Variants in LRRN2 observed in about 807,000 individuals in gnomAD.
LRRN2 encodes leucine-rich repeat neuronal protein 2.
Under a neutral mutation model 35.7 loss-of-function variants are expected in LRRN2, and 10 were observed. The ratio of observed to expected loss-of-function variants is 0.28; its 90% confidence interval spans 0.17 to 0.47. The LOEUF is 0.47. Among genes scored for constraint, LRRN2 ranks in the 20% least tolerant of loss-of-function variants. LRRN2 has a pLI of 0.99. For missense variants in LRRN2, 731 were observed against 940.3 expected (o/e 0.78, Z 2.91); for synonymous variants, 391 against 409.6 (o/e 0.95, Z 0.55).
chr1:204,679,045 G>A (rs1668882835), intron 1 of LRRN2, among the ~76,000 whole-genome samples: 1 of 152,160 alleles, frequency 6.6e-6, no homozygotes, highest in Admixed American at 6.5e-5. Flanking sequence ...GATGGCTGAG[G>A]CCTGGTGGCG....
chr1:204,617,968 A>T lies in LRRN2; in HGVS notation c.2025T>A (p.Ser675Arg), dbSNP rs1185639723. Residue 675 changes from serine to arginine, a missense_variant, in exon 2 of 2, where the codon AGT (serine) becomes AGA (arginine). Physicochemically the swap from Ser to Arg is moderately radical, Grantham distance 110. Transcript: ENST00000367177. ...LPPAWAFWGW[S>R]APSVRVVSAP... ...CAGACACAACCCGGACAGAAGGGGC[A>T]CTCCAGCCCCAGAAAGCCCAGGCTG... 1 of 1,613,678 alleles carries T rather than the reference A, an allele frequency of 6.2e-7. No individual in the cohort carries two copies. Among genetic ancestry groups the T allele is most frequent in the African/African-American group, 1.3e-5 (1 of 74,988 alleles).
intron 1 of LRRN2, among the ~76,000 whole-genome samples, chr1:204,670,269 A>T (rs1165759399): frequency 6.6e-6 from 1 of 152,144 alleles, no homozygotes; most frequent in East Asian, 1.9e-4. Context: ...GGAAGAGCTG[A>T]CAGTGACTCC....
intron 1 of LRRN2, among the ~76,000 whole-genome samples, chr1:204,649,345 A>G (rs1165553023): frequency 6.6e-6 from 1 of 152,124 alleles, no homozygotes; most frequent in Non-Finnish European, 1.5e-5. Flanking sequence ...GATAGGTCTT[A>G]TTTATCTCTG....
intron 1 of LRRN2, among the ~76,000 whole-genome samples, chr1:204,669,833 G>A (rs1668669000): frequency 6.6e-6 from 1 of 152,276 alleles, no homozygotes; most frequent in South Asian, 2.1e-4. Flanking sequence ...TACCACAAGG[G>A]ACCATCCCAC....
Position 204,685,388 on chromosome 1 carries a change from G to T in LRRN2, c.-295C>A, listed in dbSNP as rs71633519. 1 of 151,488 alleles carries T rather than the reference G, an allele frequency of 6.6e-6. No individual in the cohort carries two copies. Among genetic ancestry groups the T allele is most frequent in the African/African-American group, 2.4e-5 (1 of 41,318 alleles). 9.4% of individuals were successfully genotyped at this position (151,488 alleles called of 1,614,324 possible). ...CCGCGCTCCGCTCGCCTTCCGCCCG[G>T]GGCCGGGCTGGGGACGCTGGTCCGC... On this transcript the variant is annotated 5_prime_UTR_variant, in exon 1 of 2. Coordinates refer to ENST00000367177, the MANE Select transcript of LRRN2 (RefSeq NM_201630.2).
chr1:204,629,377 G>T (rs1205138762), intron 1 of LRRN2: 1 of 152,412 alleles, frequency 6.6e-6, no homozygotes, highest in Non-Finnish European at 1.5e-5. Flanking sequence ...CACCCTCAAG[G>T]ATCCACATCC....
intron 1 of LRRN2, among the ~76,000 whole-genome samples, chr1:204,630,908 G>A (rs1169656968): frequency 6.6e-6 from 1 of 152,008 alleles, no homozygotes; most frequent in African/African-American, 2.4e-5. Context: ...TCCTGGCCTG[G>A]GGACAGACTT....
At chr1:204,666,962 C>CAAAAA (rs34503593) in intron 1 of LRRN2, among the ~76,000 whole-genome samples, 17 of 64,822 alleles carry the variant, frequency 2.6e-4, no homozygotes, top group East Asian at 1.0e-3. Flanking sequence ...ACTCTGTCTC[C>CAAAAA]AAAAAAAAAA....
At chr1:204,631,499 AAAACT>A (rs1667703604) in intron 1 of LRRN2, among the ~76,000 whole-genome samples, 1 of 150,874 alleles carries the variant, frequency 6.6e-6, no homozygotes, top group African/African-American at 2.4e-5. Context: ...GGTTAAAAAG[AAAACT>A]AAACCAGTGT....
chr1:204,651,182 C>T (rs1668216266), intron 1 of LRRN2, among the ~76,000 whole-genome samples: 1 of 152,154 alleles, frequency 6.6e-6, no homozygotes, highest in Non-Finnish European at 1.5e-5. Flanking sequence ...AGCCGAGGAC[C>T]ACCCTCAGCT....
intron 1 of LRRN2, among the ~76,000 whole-genome samples, chr1:204,675,181 C>T (rs1366601501): frequency 6.6e-6 from 1 of 152,178 alleles, no homozygotes; most frequent in Non-Finnish European, 1.5e-5. Flanking sequence ...TTCTCGGAGC[C>T]ACCGAGTTCT....
intron 1 of LRRN2, among the ~76,000 whole-genome samples, chr1:204,674,395 C>T (rs563470338): frequency 2.0e-5 from 3 of 151,942 alleles, no homozygotes; most frequent in East Asian, 1.9e-4. Flanking sequence ...GAAACCAGAA[C>T]GGCAAATGTG....
chr1:204,619,155 C>T lies in LRRN2; in HGVS notation c.838G>A (p.Asp280Asn). 6.2e-7 allele frequency: 1 copy of T among 1,614,026 alleles called. No homozygotes were observed. Among genetic ancestry groups the T allele is most frequent in the Non-Finnish European group, 8.5e-7 (1 of 1,179,982 alleles). ...KNPLQRVGPG[D>N]FANMLHLKEL... is the part of the protein sequence containing the mutation. ...TTAAGGTGCAGCATGTTGGCAAAGT[C>T]CCCCGGCCCTACCCGCTGGAGCGGG... Residue 280 changes from aspartate to asparagine, a missense_variant, in exon 2 of 2, where the codon GAC (aspartate) becomes AAC (asparagine). By Grantham distance (23) the Asp-to-Asn change is conservative. Around this residue, in one of 3 missense-constraint regions of LRRN2, gnomAD observed 256 missense variants for 392.4 expected, o/e 0.65. Coordinates refer to ENST00000367177, the MANE Select transcript of LRRN2 (RefSeq NM_201630.2).
In LRRN2 at chr1:204,658,360, AC is replaced by A. The variant is rs376259198; in HGVS notation, c.-227+26959del. Among the ~76,000 whole-genome samples the A allele has an allele frequency of 2.3e-3, 356 of 152,240 alleles. 2 individuals are homozygous for A. Among genetic ancestry groups the A allele is most frequent in the African/African-American group, 8.4e-3 (349 of 41,548 alleles). ...TCTCCCAAATATCATCACTTGTCCAACTACCAGTATTTTTAGACCCAGCTGG... is the reference window on the plus strand; with the variant it reads ...TCTCCCAAATATCATCACTTGTCCAATACCAGTATTTTTAGACCCAGCTGG... On this transcript the variant is annotated intron_variant, in intron 1 of 1. Coordinates refer to ENST00000367177, the MANE Select transcript of LRRN2 (RefSeq NM_201630.2).
Position 204,619,364 on chromosome 1 carries a change from C to G in LRRN2, c.629G>C (p.Arg210Pro). ...CAGGCTACGCAGGTTGGCCAGGGGC[C>G]GGAAGTTCATGTCCAGGATGGCATC... ...KVDAILDMNF[R>P]PLANLRSLVL... The change falls in exon 2 of 2, where the codon CGG becomes CCG. Residue 210 changes from arginine (R) to proline (P), a missense_variant. Around this residue, in one of 3 missense-constraint regions of LRRN2, gnomAD observed 246 missense variants for 289.5 expected, o/e 0.85. Transcript: ENST00000367177. The G allele has an allele frequency of 6.2e-7, 1 of 1,614,212 alleles. No individual in the cohort carries two copies. Among genetic ancestry groups the G allele is most frequent in the Non-Finnish European group, 8.5e-7 (1 of 1,180,046 alleles).
chr1:204,635,523 C>T (rs1009156909), intron 1 of LRRN2, among the ~76,000 whole-genome samples: 9 of 152,172 alleles, frequency 5.9e-5, no homozygotes, highest in Non-Finnish European at 1.2e-4. Context: ...GTCCAGTCCT[C>T]TCTTGAGTGT....
At chr1:204,632,849 G>T (rs1335629774) in intron 1 of LRRN2, among the ~76,000 whole-genome samples, 1 of 150,770 alleles carries the variant, frequency 6.6e-6, no homozygotes, top group African/African-American at 2.4e-5. Flanking sequence ...CAGGAGAATG[G>T]TGTGAACCCG....
rs149700378 is a variant in LRRN2, at chr1:204,653,697, C to T, written c.-227+31623G>A. 4.8e-3 allele frequency among the ~76,000 whole-genome samples: 728 copies of T among 151,436 alleles called. 9 individuals are homozygous for T. Among genetic ancestry groups the T allele is most frequent in the African/African-American group, 0.017 (683 of 41,232 alleles). ...GCAACATAGTGAGACTCTGTCTCCACAAAATATTTAAAAAATTAGCCAGGT... is the reference window on the plus strand; with the variant it reads ...GCAACATAGTGAGACTCTGTCTCCATAAAATATTTAAAAAATTAGCCAGGT... On this transcript the variant is annotated intron_variant, in intron 1 of 1. Coordinates refer to ENST00000367177, the MANE Select transcript of LRRN2 (RefSeq NM_201630.2).
chr1:204,639,356 G>A (rs1300317221), intron 1 of LRRN2, among the ~76,000 whole-genome samples: 3 of 152,296 alleles, frequency 2.0e-5, no homozygotes, highest in Non-Finnish European at 2.9e-5. Context: ...AGTAATAGCC[G>A]GGCATGGTGG....
Sources: gnomAD v4.1 joint callset for allele counts (sites outside exome capture counted in the v4.1 genomes callset) on GRCh38, gnomAD v4.1.1 for gene constraint, gnomAD v4.1.1 regional missense constraint, MANE v1.5 for transcripts, NCBI Gene and HGNC (gene_info 2026-07-23, HGNC 2026-07-21) for gene names.